The following SCAI variants were observed in gnomAD, a reference collection of about 807,000 sequenced individuals.
The protein encoded by SCAI is suppressor of cancer cell invasion, also known as protein SCAI.
Under a neutral mutation model 92.2 loss-of-function variants are expected in SCAI, and 24 were observed. The observed-to-expected ratio is 0.26, with a 90% CI of 0.19 to 0.37. The LOEUF (loss-of-function observed/expected upper bound fraction) is 0.37. Ranked by LOEUF, SCAI falls within the 10% of genes least tolerant of loss-of-function variation. The pLI is 1.00. For synonymous variants in SCAI, 261 were observed against 258.6 expected (o/e 1.01, Z -0.09); for missense variants, 450 against 736.2 (o/e 0.61, Z 4.50).
At chr9:125,037,160 T>C (rs1833214165) in intron 3 of SCAI, among the ~76,000 whole-genome samples, 1 of 151,940 alleles carries the variant, frequency 6.6e-6, no homozygotes, top group African/African-American at 2.4e-5. Flanking sequence ...TCCCAGCTAC[T>C]TGGGAGGCTG....
intron 2 of SCAI, among the ~76,000 whole-genome samples, chr9:125,064,798 A>G (rs1303029343): frequency 1.3e-5 from 2 of 152,204 alleles, no homozygotes; most frequent in Non-Finnish European, 2.9e-5. Context: ...GTGAGCCAAG[A>G]TCGTGCCACT....
intron 2 of SCAI, chr9:125,065,886 T>C (rs1833859848): frequency 1.6e-6 from 1 of 630,706 alleles, no homozygotes; most frequent in Admixed American, 3.2e-5. Flanking sequence ...TAACATTGGC[T>C]CACAATTAAG....
At chr9:125,061,098 C>T (rs1833759931) in intron 2 of SCAI, among the ~76,000 whole-genome samples, 1 of 151,714 alleles carries the variant, frequency 6.6e-6, no homozygotes, top group African/African-American at 2.4e-5. Context: ...GAGATCGAGA[C>T]CATCGTGGCT....
chr9:124,971,125 C>G (rs1004874764), intron 17 of SCAI: 7 of 225,008 alleles, frequency 3.1e-5, no homozygotes, highest in Non-Finnish European at 5.1e-5. Flanking sequence ...AGAAAATGTT[C>G]TACTTTTAAA....
At chr9:125,018,736 T>C (rs1832812355) in intron 9 of SCAI, 63 bp downstream of exon 9, 2 of 1,367,366 alleles carry the variant, frequency 1.5e-6, no homozygotes, top group Non-Finnish European at 2.0e-6. Flanking sequence ...AATAATTCTG[T>C]GATCATCAAT....
intron 6 of SCAI, among the ~76,000 whole-genome samples, chr9:125,021,322 C>T (rs906689141): frequency 7.9e-5 from 12 of 152,236 alleles, no homozygotes; most frequent in African/African-American, 2.4e-4. Context: ...GTCATTATTG[C>T]TTTGGCTAGG....
intron 17 of SCAI, among the ~76,000 whole-genome samples, chr9:124,964,944 C>T (rs1187527742): frequency 7.3e-5 from 11 of 151,620 alleles, no homozygotes; most frequent in African/African-American, 2.2e-4. Context: ...TCTATCCCTT[C>T]CTGTTTAAAT....
At chr9:125,078,027 T>A (rs866075945) in intron 2 of SCAI, among the ~76,000 whole-genome samples, 1 of 151,840 alleles carries the variant, frequency 6.6e-6, no homozygotes. Flanking sequence ...GCCTTTGGTG[T>A]ATTTTTTTAA....
intron 13 of SCAI, among the ~76,000 whole-genome samples, chr9:124,996,333 A>C (rs1436648572): frequency 6.6e-6 from 1 of 152,102 alleles, no homozygotes; most frequent in African/African-American, 2.4e-5. Context: ...ATGGGGTCTC[A>C]CTTTGTCACC....
At chr9:125,076,745 C>T (rs895788381) in intron 2 of SCAI, among the ~76,000 whole-genome samples, 10 of 152,030 alleles carry the variant, frequency 6.6e-5, no homozygotes, top group Non-Finnish European at 1.5e-4. Context: ...GTCACCCAGG[C>T]TGGAGTGCAG....
At chr9:125,099,856 G>A (rs1356668999) in intron 2 of SCAI, among the ~76,000 whole-genome samples, 2 of 152,224 alleles carry the variant, frequency 1.3e-5, no homozygotes, top group African/African-American at 4.8e-5. Context: ...GTTGTAGCAT[G>A]TGTCAGAATT....
intron 2 of SCAI, among the ~76,000 whole-genome samples, chr9:125,063,384 G>GAAAAAAAAAAAAAAAAAAAAGAAAA (rs57488794): frequency 1.0e-5 from 1 of 99,626 alleles, no homozygotes; most frequent in Admixed American, 1.1e-4. Context: ...CTCAAAGGAG[G>GAAAAAAAAAAAAAAAAAAAAGAAAA]AAAAAAAAAA....
intron 2 of SCAI, among the ~76,000 whole-genome samples, chr9:125,074,095 T>TA (rs1834035539): frequency 6.6e-6 from 1 of 151,512 alleles, no homozygotes; most frequent in African/African-American, 2.4e-5. Flanking sequence ...CCGTCTCTAC[T>TA]AAAAATACAA....
intron 2 of SCAI, among the ~76,000 whole-genome samples, chr9:125,059,460 T>G (rs1833732084): frequency 6.6e-6 from 1 of 152,168 alleles, no homozygotes; most frequent in Non-Finnish European, 1.5e-5. Context: ...AGAAAAATGT[T>G]CAACCACCAA....
At chr9:124,994,399 G>A (rs938503035) in intron 14 of SCAI, among the ~76,000 whole-genome samples, 3 of 152,146 alleles carry the variant, frequency 2.0e-5, no homozygotes, top group Admixed American at 2.0e-4. Flanking sequence ...ATAAAACGAA[G>A]GATGTTCAAG....
At chr9:124,981,737 T>C (rs1831890385) in intron 14 of SCAI, among the ~76,000 whole-genome samples, 1 of 151,998 alleles carries the variant, frequency 6.6e-6, no homozygotes, top group South Asian at 2.1e-4. Context: ...GCAGTCTTTA[T>C]CTTCTGAACT....
Position 125,040,818 on chromosome 9 carries a change from A to T in SCAI, c.231-11079T>A, listed in dbSNP as rs903116650. Reference sequence around the variant, plus strand: ...TTTTTTTTTTTTTTGCATTTTTAATAGAGACGGGGTTTCACCATATTGGCC... The same window carrying T: ...TTTTTTTTTTTTTTGCATTTTTAATTGAGACGGGGTTTCACCATATTGGCC... On this transcript the variant is annotated intron_variant, in intron 3 of 17. Coordinates refer to ENST00000336505, the MANE Select transcript of SCAI (RefSeq NM_001144877.3). 2.7e-5 allele frequency among the ~76,000 whole-genome samples: 4 copies of T among 150,840 alleles called. No homozygotes were observed. In the East Asian group the frequency reaches 7.8e-4, roughly 29 times the overall value.
chr9:124,962,472 C>T (rs552490089), intron 17 of SCAI, among the ~76,000 whole-genome samples: 75 of 151,976 alleles, frequency 4.9e-4, no homozygotes, highest in African/African-American at 1.7e-3. Context: ...GTAAGTATGT[C>T]TTATAGCAAC....
intron 2 of SCAI, among the ~76,000 whole-genome samples, chr9:125,136,958 C>T (rs1036640610): frequency 2.3e-4 from 35 of 149,814 alleles, no homozygotes; most frequent in African/African-American, 8.1e-4. Context: ...GGGGTTTCAC[C>T]ATCTTGGTCA....
Sources: gnomAD v4.1 joint callset for allele counts (sites outside exome capture counted in the v4.1 genomes callset) on GRCh38, gnomAD v4.1.1 for gene constraint, MANE v1.5 for transcripts, NCBI Gene and HGNC (gene_info 2026-07-23, HGNC 2026-07-21) for gene names.